The following MEGF6 variants were observed in gnomAD, a reference collection of about 807,000 sequenced individuals.
MEGF6 encodes the protein multiple EGF like domains 6, also known as multiple epidermal growth factor-like domains protein 6.
In MEGF6, 184 loss-of-function variants were observed where a neutral mutation model predicts 207.1. The ratio of observed to expected loss-of-function variants is 0.89; its 90% CI spans 0.79 to 1.00. MEGF6 has a LOEUF of 1.00. Among genes scored for constraint, MEGF6 ranks in the 50% least tolerant of loss-of-function variants. MEGF6 has a pLI of 0.00. For missense variants in MEGF6, 2,282 were observed against 2,202.9 expected, an observed-to-expected ratio of 1.04 and a Z score of -0.72; for synonymous variants, 1,038 against 910.0, an observed-to-expected ratio of 1.14 and a Z score of -2.53.
chr1:3,512,228 T>C, intron 7 of MEGF6, 100 bp from the exon 8 acceptor site: 7 of 1,452,754 alleles, frequency 4.8e-6, no homozygotes, highest in Non-Finnish European at 6.5e-6. Context: ...ACCCAGGGCC[T>C]GTGGCCGCAT....
rs1401590705 is a variant in MEGF6 at position 3,565,172 on chromosome 1, C to T, written c.481+14653G>A. Among the ~76,000 whole-genome samples, 3 of 152,112 alleles carry T rather than the reference C, an allele frequency of 2.0e-5. No homozygotes were observed. Among genetic ancestry groups the T allele is most frequent in the Admixed American group, 6.5e-5 (1 of 15,270 alleles). Reference sequence around the variant, plus strand: ...GTACCCCCTTCTTACCCTGGAACCCCCTGCCTGGGTCTCGTCCTCTCTCCC... The same window carrying T: ...GTACCCCCTTCTTACCCTGGAACCCTCTGCCTGGGTCTCGTCCTCTCTCCC... On this transcript the variant is annotated intron_variant, in intron 4 of 36. Coordinates refer to ENST00000356575, the MANE Select transcript of MEGF6 (RefSeq NM_001409.4). The surrounding 1 kb of genome is among the most constrained non-coding windows in gnomAD (Gnocchi z 4.8).
chr1:3,503,007 C>T (rs962252263), intron 17 of MEGF6, among the ~76,000 whole-genome samples: 4 of 152,184 alleles, frequency 2.6e-5, no homozygotes, highest in African/African-American at 9.7e-5. Flanking sequence ...ACAGAGACCC[C>T]GTGCTGCATG....
At chr1:3,599,848 C>T (rs1213035745) in intron 2 of MEGF6, among the ~76,000 whole-genome samples, 1 of 152,224 alleles carries the variant, frequency 6.6e-6, no homozygotes, top group African/African-American at 2.4e-5. Context: ...CACCCCGTTT[C>T]TGTGCCCCGT....
intron 4 of MEGF6, among the ~76,000 whole-genome samples, chr1:3,526,254 C>A (rs974889471): frequency 1.5e-4 from 23 of 152,202 alleles, no homozygotes; most frequent in African/African-American, 4.8e-4. Flanking sequence ...GAGGGAGAGA[C>A]CACACGGGCC....
intron 4 of MEGF6, among the ~76,000 whole-genome samples, chr1:3,578,542 G>T (rs1021417423): frequency 6.6e-6 from 1 of 152,156 alleles, no homozygotes; most frequent in Non-Finnish European, 1.5e-5. Flanking sequence ...GCCCTGGGGG[G>T]GGGGGGCCCT....
chr1:3,491,066 C>T, intron 35 of MEGF6, 107 bp from the exon 36 acceptor site: 1 of 1,058,402 alleles, frequency 9.4e-7, no homozygotes. Context: ...CCTCCACTTC[C>T]CCCGCACAGT....
chr1:3,604,071 A>G (rs966711518), intron 1 of MEGF6, among the ~76,000 whole-genome samples: 16 of 152,222 alleles, frequency 1.1e-4, no homozygotes, highest in African/African-American at 3.9e-4. Context: ...TGTGGCACCC[A>G]GAGGAGGGAC....
intron 5 of MEGF6, among the ~76,000 whole-genome samples, chr1:3,518,559 A>G (rs1187041977): frequency 1.3e-5 from 2 of 152,226 alleles, no homozygotes; most frequent in Admixed American, 1.3e-4. Context: ...TCGTTGGCTG[A>G]CTGGCGGGCT....
At chr1:3,576,290 G>C (rs1009210688) in intron 4 of MEGF6, among the ~76,000 whole-genome samples, 3 of 152,198 alleles carry the variant, frequency 2.0e-5, no homozygotes, top group Admixed American at 6.5e-5. Flanking sequence ...GTCCCCGCCC[G>C]CTGCAGACCC....
chr1:3,616,157 G>A (rs1644376942), upstream of MEGF6, among the ~76,000 whole-genome samples: 1 of 152,132 alleles, frequency 6.6e-6, no homozygotes, highest in Non-Finnish European at 1.5e-5. Flanking sequence ...TCCGCGGGCT[G>A]GCGGTTGCAC....
intron 4 of MEGF6, among the ~76,000 whole-genome samples, chr1:3,570,626 C>A (rs1643468945): frequency 6.6e-6 from 1 of 152,168 alleles, no homozygotes; most frequent in Non-Finnish European, 1.5e-5. Flanking sequence ...CCCTGCTCAG[C>A]AGACAACCAC....
intron 12 of MEGF6, among the ~76,000 whole-genome samples, 156 bp from the exon 13 acceptor site, chr1:3,508,845 C>A (rs539756062): frequency 1.5e-4 from 23 of 152,170 alleles, no homozygotes; most frequent in Non-Finnish European, 2.9e-4. Context: ...GATGCTGGGG[C>A]CAGAAGGAGC....
intron 4 of MEGF6, among the ~76,000 whole-genome samples, chr1:3,541,343 A>G (rs1642510792): frequency 6.6e-6 from 1 of 152,228 alleles, no homozygotes; most frequent in Admixed American, 6.5e-5. Context: ...CGTCCCAGGA[A>G]GCAACAAAGT....
chr1:3,517,887 T>C (rs181159308), intron 5 of MEGF6, among the ~76,000 whole-genome samples: 1 of 152,338 alleles, frequency 6.6e-6, no homozygotes, highest in East Asian at 1.9e-4. Context: ...CTTTCACTTC[T>C]TTAATACTGA....
At chr1:3,597,456 G>T (rs1302345558) in intron 2 of MEGF6, among the ~76,000 whole-genome samples, 1 of 152,186 alleles carries the variant, frequency 6.6e-6, no homozygotes, top group Non-Finnish European at 1.5e-5. Flanking sequence ...TGCTTGTTCT[G>T]CAGTGACTAA....
chr1:3,583,158 G>A (rs965027949), intron 3 of MEGF6, among the ~76,000 whole-genome samples: 1 of 152,168 alleles, frequency 6.6e-6, no homozygotes, highest in Admixed American at 6.5e-5. Context: ...ATACTACGAG[G>A]CTCTAAAACA....
intron 17 of MEGF6, among the ~76,000 whole-genome samples, chr1:3,502,209 G>A (rs1247237719): frequency 6.6e-6 from 1 of 151,858 alleles, no homozygotes; most frequent in Non-Finnish European, 1.5e-5. Context: ...TGAAAGGGGA[G>A]CTGACGGATG....
chr1:3,583,960 G>A (rs543906874), intron 3 of MEGF6, among the ~76,000 whole-genome samples: 13 of 152,154 alleles, frequency 8.5e-5, no homozygotes, highest in Admixed American at 1.3e-4. Flanking sequence ...CAGAGCTGTC[G>A]AGGGCCACGC....
At chr1:3,505,082 C>G in intron 17 of MEGF6, 126 bp downstream of exon 17, 1 of 1,355,948 alleles carries the variant, frequency 7.4e-7, no homozygotes, top group Non-Finnish European at 1.0e-6. Flanking sequence ...AAGGCACCAC[C>G]TGGGCTTAGG....
Sources: allele counts gnomAD v4.1 joint callset (sites outside exome capture counted in the v4.1 genomes callset), GRCh38; gene constraint gnomAD v4.1.1; non-coding constraint Gnocchi (gnomAD v3.1); transcripts MANE v1.5; gene names NCBI Gene and HGNC (gene_info 2026-07-23, HGNC 2026-07-21).